TCEANC2: variants seen among roughly 807,000 people sequenced by gnomAD.
The protein encoded by TCEANC2 is transcription elongation factor A N-terminal and central domain containing 2.
In TCEANC2, 20 loss-of-function variants were observed where a neutral mutation model predicts 22.8. The observed-to-expected ratio is 0.88, with a 90% CI of 0.62 to 1.28. TCEANC2 has a LOEUF of 1.28. Among genes scored for constraint, TCEANC2 ranks in the 50% most tolerant of loss-of-function variants. TCEANC2 has a pLI of 0.00. For missense variants in TCEANC2, 251 were observed against 249.7 expected (o/e 1.01, Z -0.03); for synonymous variants, 84 against 95.5 (o/e 0.88, Z 0.70).
intron 4 of TCEANC2, among the ~76,000 whole-genome samples, chr1:54,093,807 C>T (rs1025094880): frequency 6.6e-6 from 1 of 151,248 alleles, no homozygotes; most frequent in Non-Finnish European, 1.5e-5. Flanking sequence ...ACACATATAC[C>T]CTTCTTCTTT....
At chr1:54,062,837 T>C (rs1657883927) in intron 2 of TCEANC2, among the ~76,000 whole-genome samples, 1 of 152,204 alleles carries the variant, frequency 6.6e-6, no homozygotes, top group South Asian at 2.1e-4. Context: ...ATGATGAGAC[T>C]GAAAAGAATG....
At chr1:54,092,104 G>A (rs796845240) in intron 4 of TCEANC2, among the ~76,000 whole-genome samples, 66 of 152,306 alleles carry the variant, frequency 4.3e-4, no homozygotes, top group African/African-American at 1.5e-3. Context: ...AGAAGTGTGG[G>A]TAGATATGTA....
At chr1:54,092,123 A>T (rs1287494366) in intron 4 of TCEANC2, among the ~76,000 whole-genome samples, 1 of 152,212 alleles carries the variant, frequency 6.6e-6, no homozygotes, top group Non-Finnish European at 1.5e-5. Context: ...TACAAATTCA[A>T]TCATGCTATT....
chr1:54,055,770 A>C lies in TCEANC2; in HGVS notation c.102+1246A>C, dbSNP rs1037550374. On this transcript the variant is annotated intron_variant, in intron 2 of 4. Transcript: ENST00000234827. ...GCTTAGGAGACCCATATTGGAAAGC[A>C]GTGAAGGAGAGTATAAACAGGCCTT... is the stretch of plus-strand genomic sequence containing the variant. 1.3e-5 allele frequency among the ~76,000 whole-genome samples: 2 copies of C among 152,246 alleles called. 1 individual carries two copies. The highest frequency in any genetic ancestry group is 4.8e-5 in the African/African-American group (2 of 41,478).
rs1487189961 is a variant in TCEANC2, at chr1:54,098,730, A to G, written c.*2257A>G. 6.6e-6 allele frequency: 1 copy of G among 152,226 alleles called. No individual in the cohort carries two copies. The highest frequency in any genetic ancestry group is 1.5e-5 in the Non-Finnish European group (1 of 68,066). The allele number at this position is 152,226 out of a possible 1,614,324, so 9.4% of individuals were successfully genotyped here. ...CTGGTTGTGGATGTACAGTATAAGC[A>G]TCTAATTCAATCAGGGAGTGCTTCC... On this transcript the variant is annotated 3_prime_UTR_variant, in exon 5 of 5. Transcript: ENST00000234827.
chr1:54,109,946 G>T (rs778648429), downstream of TCEANC2, among the ~76,000 whole-genome samples: 1 of 152,196 alleles, frequency 6.6e-6, no homozygotes, highest in Non-Finnish European at 1.5e-5. Flanking sequence ...ATGACTTGAG[G>T]CCAGCTCATA....
At chr1:54,107,509 G>A (rs1047385946), downstream of TCEANC2, among the ~76,000 whole-genome samples, 1 of 152,122 alleles carries the variant, frequency 6.6e-6, no homozygotes, top group Non-Finnish European at 1.5e-5. Context: ...AAGGTTAGGG[G>A]GCTGGGGGTG....
At chr1:54,094,015 T>C (rs1658498121) in intron 4 of TCEANC2, among the ~76,000 whole-genome samples, 1 of 152,156 alleles carries the variant, frequency 6.6e-6, no homozygotes, top group African/African-American at 2.4e-5. Context: ...AGGGGGCTAG[T>C]TCAGTGCCCG....
intron 4 of TCEANC2, chr1:54,090,240 T>G: frequency 5.2e-6 from 1 of 190,722 alleles, no homozygotes; most frequent in Non-Finnish European, 1.1e-5. Context: ...AATAAAGTTT[T>G]GGGTTTTTAA....
downstream of TCEANC2, among the ~76,000 whole-genome samples, chr1:54,109,350 A>C (rs1258200425): frequency 6.6e-6 from 1 of 152,194 alleles, no homozygotes; most frequent in African/African-American, 2.4e-5. Context: ...GATGGAGCCA[A>C]AGTGCAGCAG....
intron 2 of TCEANC2, among the ~76,000 whole-genome samples, chr1:54,062,171 T>A (rs571245225): frequency 6.6e-6 from 1 of 152,340 alleles, no homozygotes; most frequent in East Asian, 1.9e-4. Flanking sequence ...TCATTTTCCC[T>A]AATTGGTTTT....
intron 2 of TCEANC2, among the ~76,000 whole-genome samples, chr1:54,059,633 C>T (rs1657814841): frequency 1.3e-5 from 2 of 152,192 alleles, no homozygotes; most frequent in Non-Finnish European, 1.5e-5. Flanking sequence ...TCTGTGGAAG[C>T]ATTTACTTTA....
chr1:54,074,233 G>A (rs1199221679), intron 3 of TCEANC2, among the ~76,000 whole-genome samples: 1 of 150,844 alleles, frequency 6.6e-6, no homozygotes, highest in African/African-American at 2.4e-5. Context: ...GGAGGCCGAG[G>A]CGGGTGGATC....
intron 3 of TCEANC2, among the ~76,000 whole-genome samples, chr1:54,085,812 T>C (rs1386778946): frequency 6.6e-6 from 1 of 152,096 alleles, no homozygotes; most frequent in Non-Finnish European, 1.5e-5. Context: ...CAGCTCACTA[T>C]AGCCTTGAAC....
chr1:54,109,004 C>A (rs1373987741), downstream of TCEANC2, among the ~76,000 whole-genome samples: 1 of 152,108 alleles, frequency 6.6e-6, no homozygotes, highest in Non-Finnish European at 1.5e-5. Context: ...TGAATACCTG[C>A]CTCCTCTATG....
intron 3 of TCEANC2, among the ~76,000 whole-genome samples, chr1:54,076,964 G>C (rs1403656364): frequency 6.6e-6 from 1 of 151,226 alleles, no homozygotes; most frequent in Non-Finnish European, 1.5e-5. Context: ...GGCTGGAGTA[G>C]GCCTCATTGA....
Position 54,088,615 on chromosome 1 carries a change from T to A in TCEANC2, c.263T>A (p.Met88Lys). ...GTTCCAGGTCACACTGTGAACAAGA[T>A]GCGTAAACACTCAGATTCAGAAGTG... ...STRIGHTVNK[M>K]RKHSDSEVAS... Residue 88 changes from methionine to lysine, a missense_variant, in exon 4 of 5, where the codon ATG (methionine) becomes AAG (lysine). Physicochemically the swap from Met to Lys is moderately conservative, Grantham distance 95. Transcript: ENST00000234827. The A allele has an allele frequency of 6.2e-7, 1 of 1,603,180 alleles. No homozygotes were observed. The highest frequency in any genetic ancestry group is 2.1e-4 in the Middle Eastern group (1 of 4,730).
At chr1:54,080,351 C>G (rs906323428) in intron 3 of TCEANC2, among the ~76,000 whole-genome samples, 2 of 152,022 alleles carry the variant, frequency 1.3e-5, no homozygotes, top group African/African-American at 4.8e-5. Flanking sequence ...ACCATGTTGA[C>G]CAGGCTGTTG....
intron 4 of TCEANC2, among the ~76,000 whole-genome samples, chr1:54,090,878 A>T (rs1658433597): frequency 6.6e-6 from 1 of 152,218 alleles, no homozygotes; most frequent in African/African-American, 2.4e-5. Context: ...TGATAATAAC[A>T]AAGCTATGCT....
Sources: gnomAD v4.1 joint callset for allele counts (sites outside exome capture counted in the v4.1 genomes callset) on GRCh38, gnomAD v4.1.1 for gene constraint, MANE v1.5 for transcripts, NCBI Gene and HGNC (gene_info 2026-07-23, HGNC 2026-07-21) for gene names.